RADX: variants seen among roughly 807,000 people sequenced by gnomAD.
RADX encodes the protein RPA1 related single stranded DNA binding protein, X-linked, also known as RPA-related protein RADX.
In RADX, 36 loss-of-function variants were observed where a neutral mutation model predicts 61.6. That is an observed-to-expected ratio of 0.58 (90% CI 0.45 to 0.77). The LOEUF (loss-of-function observed/expected upper bound fraction) is 0.77, where lower values mean the gene tolerates loss of function less well. RADX is among the 30% of genes least tolerant of loss of function. The pLI is 0.00. For missense variants in RADX, 497 were observed against 651.1 expected (o/e 0.76, Z 2.58); for synonymous variants, 272 against 237.9 (o/e 1.14, Z -1.32).
intron 1 of RADX, among the ~76,000 whole-genome samples, chrX:106,620,139 A>G (rs1326132772): frequency 1.8e-5 from 2 of 111,890 alleles, no homozygotes; most frequent in African/African-American, 6.5e-5. Flanking sequence ...GTGACATAAA[A>G]GCAAACTGAG....
At chrX:106,632,558 T>C in intron 3 of RADX, 67 bp from the exon 4 acceptor site, 1 of 713,692 alleles carries the variant, frequency 1.4e-6, no homozygotes, top group Non-Finnish European at 2.0e-6. Flanking sequence ...TGCTTTTTAA[T>C]ATATATTCAT....
At chrX:106,621,931 T>G (rs763182238) in intron 1 of RADX, among the ~76,000 whole-genome samples, 2 of 106,004 alleles carry the variant, frequency 1.9e-5, no homozygotes, top group East Asian at 3.0e-4. Flanking sequence ...TATGGTTTTT[T>G]TTTTTTTTTT....
At chrX:106,668,406 C>T (rs931583184) in intron 12 of RADX, among the ~76,000 whole-genome samples, 1 of 112,077 alleles carries the variant, frequency 8.9e-6, no homozygotes, top group African/African-American at 3.2e-5. Flanking sequence ...TGTTTGTTTA[C>T]GCTTACTCTA....
intron 1 of RADX, 131 bp downstream of exon 1, chrX:106,612,854 T>A: frequency 1.6e-6 from 1 of 619,330 alleles, no homozygotes; most frequent in Non-Finnish European, 2.4e-6. Flanking sequence ...AGACAAGTTT[T>A]CTTAAATGAC....
chrX:106,653,118 A>C lies in RADX; in HGVS notation c.1978+4732A>C, dbSNP rs561642472. ...GAGAATTCATCACCACGAGACCTAC[A>C]CAATGAAAAATATTAAAGGAATTCT... On this transcript the variant is annotated intron_variant, in intron 11 of 13. Coordinates refer to ENST00000372548, the MANE Select transcript of RADX (RefSeq NM_018015.6). Among the ~76,000 whole-genome samples, 4 of 111,547 alleles carry C rather than the reference A, an allele frequency of 3.6e-5. No individual in the cohort carries two copies. In the South Asian group the frequency reaches 1.5e-3, roughly 42 times the overall value.
In RADX at chrX:106,630,058, C is replaced by T. The variant is rs1246355159; in HGVS notation, c.980-2567C>T. Among the ~76,000 whole-genome samples the T allele has an allele frequency of 2.7e-5, 3 of 112,089 alleles. No individual in the cohort carries two copies. The Admixed American group carries it at 2.8e-4, about 11-fold the overall frequency. On this transcript the variant is annotated intron_variant, in intron 3 of 13. Coordinates refer to ENST00000372548, the MANE Select transcript of RADX (RefSeq NM_018015.6). The stretch of plus-strand genomic sequence containing the variant: ...AGTAAGGGGGCTGAGCATGGTGGCT[C>T]ATGCCTGTAATTCCAGCACTTTGGG...
intron 11 of RADX, among the ~76,000 whole-genome samples, chrX:106,657,371 C>T: frequency 8.9e-6 from 1 of 112,206 alleles, no homozygotes. Flanking sequence ...CCAAAACTTT[C>T]TTTAGATCAG....
At chrX:106,649,992 A>C (rs996182808) in intron 11 of RADX, among the ~76,000 whole-genome samples, 3 of 111,874 alleles carry the variant, frequency 2.7e-5, no homozygotes, top group African/African-American at 9.7e-5. Context: ...ACATCTCAGA[A>C]CTAGATAGAG....
chrX:106,676,313 ATGTAGCCTAAATTT>A (rs1928508342), intron 13 of RADX, among the ~76,000 whole-genome samples: 1 of 112,361 alleles, frequency 8.9e-6, no homozygotes, highest in Non-Finnish European at 1.9e-5. Flanking sequence ...TGTGACGCTA[ATGTAGCCTAAATTT>A]GCACAAATCC....
chrX:106,662,181 A>G lies in RADX; in HGVS notation c.2145A>G (p.Arg715=). The G allele has an allele frequency of 8.3e-7, 1 of 1,210,771 alleles. No homozygotes were observed. The highest frequency in any genetic ancestry group is 1.1e-6 in the Non-Finnish European group (1 of 895,026). The part of the protein sequence containing the change: ...SIPRKFMFEH[R]KFLSDQYNSQ... ...CACGGAAATTTATGTTTGAACACAGAAAGTTTCTTAGTGACCAGTATAATT... is the reference window on the plus strand; with the variant it reads ...CACGGAAATTTATGTTTGAACACAGGAAGTTTCTTAGTGACCAGTATAATT... The change falls in exon 12 of 14, where the codon AGA becomes AGG. Residue 715 remains arginine, a synonymous_variant. Coordinates refer to ENST00000372548, the MANE Select transcript of RADX (RefSeq NM_018015.6).
At chrX:106,628,623 C>T (rs1384119849) in intron 3 of RADX, among the ~76,000 whole-genome samples, 1 of 108,577 alleles carries the variant, frequency 9.2e-6, no homozygotes, top group African/African-American at 3.5e-5. Context: ...CACATAGTTC[C>T]AAGTTAGAAC....
At chrX:106,645,604 T>G (rs1342257967) in intron 10 of RADX, among the ~76,000 whole-genome samples, 1 of 111,833 alleles carries the variant, frequency 8.9e-6, no homozygotes, top group East Asian at 2.8e-4. Context: ...TACTCCATTG[T>G]GGACAGAAAA....
chrX:106,673,680 C>G (rs1451109373), intron 13 of RADX, among the ~76,000 whole-genome samples: 1 of 85,092 alleles, frequency 1.2e-5, no homozygotes, highest in Non-Finnish European at 2.0e-5. Context: ...TCCCCCCCAT[C>G]CCCCCCCACA....
Position 106,612,014 on chromosome X carries a change from A to T in RADX, c.-67A>T, listed in dbSNP as rs1389397574. On this transcript the variant is annotated 5_prime_UTR_variant, in exon 1 of 14. Transcript: ENST00000372548. ...GATCGTCGCCAAAGCGCGCGGTTTT[A>T]TTTCTCTCCGCTTTGGACGGGGCAA... 2.0e-5 allele frequency: 23 copies of T among 1,126,991 alleles called. No homozygotes were observed. The highest frequency in any genetic ancestry group is 2.6e-5 in the Non-Finnish European group (22 of 845,584). 92.9% of individuals were successfully genotyped at this position (1,126,991 alleles called of 1,213,427 possible). A position where few individuals can be genotyped will look rare whatever the true frequency, so the allele number is the denominator to read the frequency against.
At chrX:106,638,718 A>G (rs1229361122) in intron 8 of RADX, 1 of 112,094 alleles carries the variant, frequency 8.9e-6, no homozygotes, top group Non-Finnish European at 1.9e-5. Context: ...TTCTGGTCCA[A>G]TGTATTTCAG....
chrX:106,614,563 T>A lies in RADX; in HGVS notation c.643+1840T>A, dbSNP rs1361839529. Among the ~76,000 whole-genome samples, 8 of 112,245 alleles carry A rather than the reference T, an allele frequency of 7.1e-5. No homozygotes were observed. The Admixed American group carries it at 7.5e-4, about 11-fold the overall frequency. ...ATTGCTGGCTTAAAAGGTATTTAATTTTTTTAATTTTGTGGATATAGACAG... is the reference window on the plus strand; with the variant it reads ...ATTGCTGGCTTAAAAGGTATTTAATATTTTTAATTTTGTGGATATAGACAG... On this transcript the variant is annotated intron_variant, in intron 1 of 13. Transcript: ENST00000372548.
At chrX:106,622,562 T>A in intron 1 of RADX, 89 bp from the exon 2 acceptor site, 1 of 805,703 alleles carries the variant, frequency 1.2e-6, no homozygotes, top group South Asian at 2.4e-5. Context: ...TTAGGTATGA[T>A]CAAGCTACTA....
At chrX:106,673,381 A>G (rs770020949) in intron 13 of RADX, among the ~76,000 whole-genome samples, 1 of 110,630 alleles carries the variant, frequency 9.0e-6, no homozygotes, top group East Asian at 2.9e-4. Context: ...CCTTCAAGGC[A>G]CTGGGTTCCC....
At chrX:106,672,615 G>A (rs1928395121) in intron 13 of RADX, among the ~76,000 whole-genome samples, 1 of 111,549 alleles carries the variant, frequency 9.0e-6, no homozygotes, top group African/African-American at 3.3e-5. Context: ...CCCAAGGCCT[G>A]CTGTAACCAC....
Sources: allele counts gnomAD v4.1 joint callset (sites outside exome capture counted in the v4.1 genomes callset), GRCh38; gene constraint gnomAD v4.1.1; transcripts MANE v1.5; gene names NCBI Gene and HGNC (gene_info 2026-07-23, HGNC 2026-07-21).